YIPF7: variants seen among roughly 807,000 people sequenced by gnomAD.
YIPF7 encodes protein YIPF7.
YIPF7 carries 35 observed loss-of-function variants against 27.2 expected under a neutral mutation model. That is an observed-to-expected ratio of 1.29 (90% CI 0.98 to 1.70). YIPF7 has a LOEUF of 1.70. YIPF7 is among the 40% of genes most tolerant of loss of function. YIPF7 has a pLI of 0.00. For missense variants in YIPF7, 358 were observed against 303.7 expected, an observed-to-expected ratio of 1.18 and a Z score of -1.33; for synonymous variants, 137 against 110.4, an observed-to-expected ratio of 1.24 and a Z score of -1.51.
chr4:44,657,429 T>C (rs1713929216), intron 2 of YIPF7, among the ~76,000 whole-genome samples: 1 of 152,174 alleles, frequency 6.6e-6, no homozygotes, highest in African/African-American at 2.4e-5. Flanking sequence ...AATCTTCTTT[T>C]AAAACAAATA....
At chr4:44,625,826 T>G (rs1341044937) in intron 4 of YIPF7, among the ~76,000 whole-genome samples, 1 of 152,170 alleles carries the variant, frequency 6.6e-6, no homozygotes, top group East Asian at 1.9e-4. Flanking sequence ...AAAGCTACAG[T>G]TAAAAAAATT....
At chr4:44,637,732 T>A (rs1371485215) in intron 2 of YIPF7, among the ~76,000 whole-genome samples, 1 of 152,210 alleles carries the variant, frequency 6.6e-6, no homozygotes, top group Non-Finnish European at 1.5e-5. Context: ...TAGTCTTCTA[T>A]TCCTCACACC....
upstream of YIPF7, among the ~76,000 whole-genome samples, chr4:44,651,929 G>T (rs1339717938): frequency 6.6e-6 from 1 of 152,184 alleles, no homozygotes; most frequent in African/African-American, 2.4e-5. Context: ...CCATTTCATG[G>T]ATTTCCTAAT....
intron 2 of YIPF7, among the ~76,000 whole-genome samples, chr4:44,648,333 T>C (rs1477796780): frequency 6.6e-6 from 1 of 152,120 alleles, no homozygotes; most frequent in Non-Finnish European, 1.5e-5. Context: ...CACTGAGCAT[T>C]TCCCTTGAGC....
At chr4:44,648,412 C>T (rs994605254) in intron 2 of YIPF7, among the ~76,000 whole-genome samples, 2 of 152,060 alleles carry the variant, frequency 1.3e-5, no homozygotes, top group Non-Finnish European at 2.9e-5. Flanking sequence ...TTGGGATGCT[C>T]AACCTGTAGT....
chr4:44,650,684 T>G (rs1281920505), intron 1 of YIPF7, among the ~76,000 whole-genome samples: 1 of 152,244 alleles, frequency 6.6e-6, no homozygotes, highest in East Asian at 1.9e-4. Flanking sequence ...CTCTGGATAC[T>G]GCACCTGGGC....
At chr4:44,644,168 G>T (rs1229545921) in intron 2 of YIPF7, among the ~76,000 whole-genome samples, 3 of 152,176 alleles carry the variant, frequency 2.0e-5, no homozygotes, top group African/African-American at 7.2e-5. Flanking sequence ...GGCCTTGGGA[G>T]CCTACCTCTT....
intron 1 of YIPF7, among the ~76,000 whole-genome samples, chr4:44,650,505 GCGCA>G (rs79209343): frequency 0.24 from 29,526 of 122,082 alleles, 3,011 homozygotes; most frequent in South Asian, 0.33. Flanking sequence ...GCGCGCGCGC[GCGCA>G]CACACACACA....
intron 3 of YIPF7, among the ~76,000 whole-genome samples, chr4:44,631,417 G>A (rs918716020): frequency 2.6e-5 from 4 of 152,038 alleles, no homozygotes; most frequent in Admixed American, 2.6e-4. Context: ...TAAATACCTT[G>A]AAAAGTTGAC....
At chr4:44,623,210 G>A (rs934509794) in intron 5 of YIPF7, among the ~76,000 whole-genome samples, 11 of 152,194 alleles carry the variant, frequency 7.2e-5, no homozygotes, top group Non-Finnish European at 1.2e-4. Flanking sequence ...GGAGGCAAGT[G>A]AGCAAATAAG....
At chr4:44,643,842 G>A (rs748532564) in intron 2 of YIPF7, among the ~76,000 whole-genome samples, 4 of 152,122 alleles carry the variant, frequency 2.6e-5, no homozygotes, top group Non-Finnish European at 5.9e-5. Context: ...AAGAGTTGAG[G>A]CTTTGAAGCT....
At chr4:44,625,493 T>A (rs1368013483) in intron 4 of YIPF7, among the ~76,000 whole-genome samples, 4 of 152,236 alleles carry the variant, frequency 2.6e-5, no homozygotes, top group Admixed American at 2.6e-4. Context: ...AGCATTTAGT[T>A]GACCACAGAA....
At chr4:44,654,591 CT>C (rs970179171), upstream of YIPF7, among the ~76,000 whole-genome samples, 2 of 151,928 alleles carry the variant, frequency 1.3e-5, no homozygotes, top group African/African-American at 4.8e-5. Flanking sequence ...CATCCTTGAC[CT>C]TTCTTCTCAG....
At chr4:44,655,693 T>A (rs1269121065), upstream of YIPF7, among the ~76,000 whole-genome samples, 3 of 152,068 alleles carry the variant, frequency 2.0e-5, no homozygotes, top group Non-Finnish European at 4.4e-5. Context: ...CAGAGAAGAA[T>A]AGAACGCATT....
Position 44,635,983 on chromosome 4 carries a change from T to C in YIPF7, c.219A>G (p.Ser73=), listed in dbSNP as rs1176721486. 1.2e-6 allele frequency: 2 copies of C among 1,613,914 alleles called. No individual in the cohort carries two copies. The highest frequency in any genetic ancestry group is 3.3e-5 in the Admixed American group (2 of 60,006). The change falls in exon 3 of 6, where the codon TCA becomes TCG. Residue 73 remains serine, a synonymous_variant. Transcript: ENST00000415895. ...TGTAAGGAGATTGTGAATAATAATC[T>C]GAGTTGGATGCTGGCTGAAAAAATT... ...AGQFFQPASN[S]DYYSQSPYID...
At chr4:44,626,501 TG>T (rs1377370713) in intron 4 of YIPF7, among the ~76,000 whole-genome samples, 1 of 152,064 alleles carries the variant, frequency 6.6e-6, no homozygotes, top group Non-Finnish European at 1.5e-5. Context: ...ACAAATGGAG[TG>T]GGGCAAATAG....
At chr4:44,625,707 C>A (rs1010294649) in intron 4 of YIPF7, among the ~76,000 whole-genome samples, 1 of 152,098 alleles carries the variant, frequency 6.6e-6, no homozygotes, top group Admixed American at 6.5e-5. Flanking sequence ...TGAATACAAG[C>A]CCCAATAAAT....
intron 3 of YIPF7, 91 bp from the exon 4 acceptor site, chr4:44,629,639 T>G: frequency 1.1e-6 from 1 of 941,364 alleles, no homozygotes; most frequent in South Asian, 2.6e-5. Flanking sequence ...CATATCTGAT[T>G]AATTTACTTA....
At chr4:44,658,462 T>C (rs1425170569) in intron 2 of YIPF7, among the ~76,000 whole-genome samples, 1 of 152,106 alleles carries the variant, frequency 6.6e-6, no homozygotes, top group Non-Finnish European at 1.5e-5. Flanking sequence ...ACTAAGACAC[T>C]AATAATGGTT....
Sources: allele counts gnomAD v4.1 joint callset (sites outside exome capture counted in the v4.1 genomes callset), GRCh38; gene constraint gnomAD v4.1.1; transcripts MANE v1.5; gene names NCBI Gene and HGNC (gene_info 2026-07-23, HGNC 2026-07-21).